SLC35F4: variants seen among roughly 807,000 people sequenced by gnomAD.
SLC35F4 encodes the protein solute carrier family 35 member F4.
Under a neutral mutation model 44.2 loss-of-function variants are expected in SLC35F4, and 24 were observed. The observed-to-expected ratio is 0.54, with a 90% CI of 0.39 to 0.76. The LOEUF is 0.76. SLC35F4 is among the 30% of genes least tolerant of loss of function. SLC35F4 has a pLI of 0.00. For missense variants in SLC35F4, 562 were observed against 586.1 expected (o/e 0.96, Z 0.42); for synonymous variants, 238 against 223.6 (o/e 1.06, Z -0.57).
intron 1 of SLC35F4, among the ~76,000 whole-genome samples, chr14:57,612,704 C>A (rs1372356203): frequency 3.9e-5 from 6 of 152,210 alleles, no homozygotes; most frequent in African/African-American, 1.4e-4. Flanking sequence ...TCTAATTATG[C>A]TCTACTGTGT....
At chr14:57,634,474 T>G (rs1012817484) in intron 1 of SLC35F4, among the ~76,000 whole-genome samples, 5 of 152,084 alleles carry the variant, frequency 3.3e-5, no homozygotes, top group Admixed American at 2.6e-4. Flanking sequence ...ACGTTTGAAC[T>G]GAAAGATATG....
intron 1 of SLC35F4, among the ~76,000 whole-genome samples, chr14:57,646,052 A>G (rs557134015): frequency 3.3e-5 from 5 of 152,258 alleles, no homozygotes; most frequent in Admixed American, 6.5e-5. Context: ...TTTTTGTACC[A>G]ATGTTCATCA....
At chr14:57,762,522 A>G (rs766193813) in intron 1 of SLC35F4, among the ~76,000 whole-genome samples, 2 of 152,148 alleles carry the variant, frequency 1.3e-5, no homozygotes. Context: ...AGTGATGCCA[A>G]TTGCTATGGT....
chr14:57,694,902 A>G (rs981186610), intron 1 of SLC35F4, among the ~76,000 whole-genome samples: 4 of 152,158 alleles, frequency 2.6e-5, no homozygotes, highest in African/African-American at 9.6e-5. Flanking sequence ...AAATTCTCAT[A>G]TTAATTTAAA....
intron 1 of SLC35F4, among the ~76,000 whole-genome samples, chr14:57,730,475 T>G (rs1318614116): frequency 6.6e-6 from 1 of 152,188 alleles, no homozygotes; most frequent in Non-Finnish European, 1.5e-5. Context: ...GATGTTTATC[T>G]CACTGGCTGT....
intron 1 of SLC35F4, among the ~76,000 whole-genome samples, chr14:57,906,258 A>G (rs2141048325): frequency 6.6e-6 from 1 of 152,354 alleles, no homozygotes; most frequent in Non-Finnish European, 1.5e-5. Flanking sequence ...ACAATTTGGT[A>G]TATGGCCTCT....
At chr14:57,672,238 T>C (rs999910346) in intron 1 of SLC35F4, among the ~76,000 whole-genome samples, 3 of 152,100 alleles carry the variant, frequency 2.0e-5, no homozygotes, top group Non-Finnish European at 2.9e-5. Context: ...TTGTATCACC[T>C]TGCAGCTGTG....
chr14:57,820,360 A>T (rs1883037977), intron 1 of SLC35F4, among the ~76,000 whole-genome samples: 1 of 152,192 alleles, frequency 6.6e-6, no homozygotes, highest in African/African-American at 2.4e-5. Context: ...TTTTTAGGGC[A>T]GCAACTGAAG....
chr14:57,607,339 A>T (rs1436937636), intron 1 of SLC35F4, among the ~76,000 whole-genome samples: 2 of 152,300 alleles, frequency 1.3e-5, no homozygotes, highest in Admixed American at 6.5e-5. Flanking sequence ...ACTGGCAGAG[A>T]CAGCTGCTTA....
At chr14:57,811,237 G>A (rs914465037) in intron 1 of SLC35F4, among the ~76,000 whole-genome samples, 3 of 152,218 alleles carry the variant, frequency 2.0e-5, no homozygotes, top group Admixed American at 1.3e-4. Flanking sequence ...GGGAAAGGTA[G>A]AGTGGAAAGA....
intron 1 of SLC35F4, among the ~76,000 whole-genome samples, chr14:57,750,300 T>C (rs2076853956): frequency 6.6e-6 from 1 of 152,160 alleles, no homozygotes. Context: ...TGTAGATGGA[T>C]GCTTAGGTTG....
chr14:57,690,157 C>A (rs1271968933), intron 1 of SLC35F4, among the ~76,000 whole-genome samples: 1 of 152,186 alleles, frequency 6.6e-6, no homozygotes, highest in African/African-American at 2.4e-5. Context: ...AATGAGTTAG[C>A]TACTCCTTCC....
chr14:57,571,777 A>G, intron 5 of SLC35F4, 117 bp downstream of exon 5: 1 of 1,370,774 alleles, frequency 7.3e-7, no homozygotes, highest in East Asian at 2.6e-5. Context: ...TTTACTTACT[A>G]TTATTTCAAC....
chr14:57,907,123 G>A (rs1411740203), intron 1 of SLC35F4, among the ~76,000 whole-genome samples: 2 of 152,166 alleles, frequency 1.3e-5, no homozygotes, highest in Non-Finnish European at 2.9e-5. Flanking sequence ...CTCTTGCTCT[G>A]TTGTCCAGGC....
At position 57,566,539 on chromosome 14, in the gene SLC35F4, C is replaced by T. The variant is rs1191771420; in HGVS notation, c.1152G>A (p.Gly384=). 2 of 1,602,186 alleles carry T rather than the reference C, an allele frequency of 1.2e-6. No individual in the cohort carries two copies. The highest frequency in any genetic ancestry group is 1.7e-6 in the Non-Finnish European group (2 of 1,174,488). The change falls in exon 7 of 8, where the codon GGG becomes GGA. Residue 384 remains glycine, a synonymous_variant. Transcript: ENST00000556826. The part of the protein sequence containing the change: ...WLAFNILVNV[G]VVLTYPILIS... ...TTAGGATTGGGTATGTCAGCACCAC[C>T]CCAACATTCACCAGGATGTTGAAGG... is the stretch of plus-strand genomic sequence containing the variant.
intron 1 of SLC35F4, among the ~76,000 whole-genome samples, chr14:57,688,130 C>G (rs144418590): frequency 2.7e-5 from 4 of 150,828 alleles, no homozygotes; most frequent in African/African-American, 9.8e-5. Flanking sequence ...CAAAAATTGA[C>G]CAGGAATTAA....
intron 1 of SLC35F4, chr14:57,596,811 A>G (rs781146118): frequency 3.7e-6 from 5 of 1,367,626 alleles, no homozygotes; most frequent in South Asian, 2.3e-5. Flanking sequence ...CCTGTTCCTT[A>G]TGTGATATAC....
chr14:57,832,981 T>G (rs1884535229), intron 1 of SLC35F4, among the ~76,000 whole-genome samples: 2 of 152,212 alleles, frequency 1.3e-5, no homozygotes, highest in African/African-American at 4.8e-5. Flanking sequence ...CTAGAGAATT[T>G]GTTCATTTCT....
chr14:57,885,615 T>A (rs1309614326), intron 1 of SLC35F4, among the ~76,000 whole-genome samples: 1 of 152,216 alleles, frequency 6.6e-6, no homozygotes, highest in Admixed American at 6.5e-5. Context: ...TAAAATTAAA[T>A]GAAATTTAAA....
Sources: allele counts gnomAD v4.1 joint callset (sites outside exome capture counted in the v4.1 genomes callset), GRCh38; gene constraint gnomAD v4.1.1; transcripts MANE v1.5; gene names NCBI Gene and HGNC (gene_info 2026-07-23, HGNC 2026-07-21).